The following PEPD variants were observed in gnomAD, a reference collection of about 807,000 sequenced individuals.
PEPD encodes the protein peptidase D.
A neutral mutation model predicts 60.7 loss-of-function variants in PEPD; 53 were observed. That is an observed-to-expected ratio of 0.87 (90% CI 0.70 to 1.10). PEPD has a LOEUF of 1.10. Ranked by LOEUF, PEPD falls within the 50% of genes least tolerant of loss-of-function variation. The probability of loss-of-function intolerance (pLI) is 0.00; values close to 1 mark genes in which losing one functional copy is unlikely to be tolerated. For missense variants in PEPD, 711 were observed against 711.9 expected (o/e 1.00, Z 0.01); for synonymous variants, 267 against 284.1 (o/e 0.94, Z 0.60).
intron 9 of PEPD, among the ~76,000 whole-genome samples, chr19:33,416,066 C>T (rs1475424045): frequency 2.0e-5 from 3 of 152,206 alleles, no homozygotes; most frequent in Admixed American, 1.3e-4. Context: ...CCTGTGGAAG[C>T]GTGTGAGCCC....
intron 12 of PEPD, among the ~76,000 whole-genome samples, chr19:33,398,126 G>C (rs1411003965): frequency 6.6e-6 from 1 of 152,198 alleles, no homozygotes; most frequent in African/African-American, 2.4e-5. Context: ...CCTATGCTGC[G>C]TCAATCCGCC....
intron 9 of PEPD, among the ~76,000 whole-genome samples, chr19:33,460,355 C>T (rs940403630): frequency 6.6e-6 from 1 of 152,116 alleles, no homozygotes; most frequent in Admixed American, 6.5e-5. Context: ...AGAGGGAGCT[C>T]GAGGCGGAAG....
chr19:33,490,427 C>G (rs1402276843), intron 5 of PEPD, among the ~76,000 whole-genome samples: 1 of 152,218 alleles, frequency 6.6e-6, no homozygotes, highest in Non-Finnish European at 1.5e-5. Context: ...TCCATCTTCC[C>G]TCTCCTGCAC....
intron 7 of PEPD, among the ~76,000 whole-genome samples, chr19:33,466,066 G>C (rs1397654162): frequency 1.3e-5 from 2 of 152,176 alleles, no homozygotes; most frequent in South Asian, 2.1e-4. Flanking sequence ...AGCAAGCCTA[G>C]AAAGCAATCA....
chr19:33,437,766 G>C (rs527958930), intron 9 of PEPD, among the ~76,000 whole-genome samples: 1 of 152,320 alleles, frequency 6.6e-6, no homozygotes, highest in East Asian at 1.9e-4. Context: ...GACTTGGGGG[G>C]GCGGTGGTGT....
In PEPD at chr19:33,429,512, A is replaced by G. The variant is rs190962470; in HGVS notation, c.672-15869T>C. ...AAAAGACGAAACCATGTGGATACAC[A>G]GATATCTATTAAACTATACACAGCA... On this transcript the variant is annotated intron_variant, in intron 9 of 14. Coordinates refer to ENST00000244137, the MANE Select transcript of PEPD (RefSeq NM_000285.4). Among the ~76,000 whole-genome samples the G allele has an allele frequency of 9.4e-4, 144 of 152,396 alleles. 1 individual carries two copies. The highest frequency in any genetic ancestry group is 3.4e-3 in the Middle Eastern group (1 of 294).
intron 6 of PEPD, among the ~76,000 whole-genome samples, chr19:33,484,885 A>AT (rs1355276345): frequency 6.6e-6 from 1 of 152,204 alleles, no homozygotes; most frequent in African/African-American, 2.4e-5. Context: ...TATAGTTCTC[A>AT]TTTTTGCCTC....
chr19:33,461,779 G>A (rs1969930244), intron 9 of PEPD, among the ~76,000 whole-genome samples: 1 of 152,204 alleles, frequency 6.6e-6, no homozygotes, highest in Admixed American at 6.5e-5. Flanking sequence ...CCGCACTGCA[G>A]AAGGAGACCA....
Position 33,511,854 on chromosome 19 carries a change from T to A in PEPD, c.202-699A>T, listed in dbSNP as rs527458432. 3.3e-5 allele frequency among the ~76,000 whole-genome samples: 5 copies of A among 152,278 alleles called. No homozygotes were observed. In the East Asian group the frequency reaches 9.7e-4, roughly 29 times the overall value. On this transcript the variant is annotated intron_variant, in intron 2 of 14. Coordinates refer to ENST00000244137, the MANE Select transcript of PEPD (RefSeq NM_000285.4). ...TGCAGGCTTGCAGCTGCGCGAACAA[T>A]GGAGTGGAGAGACGGGACCCTTCAG...
intron 1 of PEPD, among the ~76,000 whole-genome samples, chr19:33,520,380 C>G (rs1201242454): frequency 6.6e-6 from 1 of 152,234 alleles, no homozygotes; most frequent in Admixed American, 6.5e-5. Context: ...CTGTTCTCTA[C>G]CTGAAGGGAG....
At chr19:33,422,456 A>G (rs892265827) in intron 9 of PEPD, among the ~76,000 whole-genome samples, 2 of 144,754 alleles carry the variant, frequency 1.4e-5, no homozygotes, top group African/African-American at 5.4e-5. Context: ...CTATCTACCC[A>G]TCCATCTATC....
At chr19:33,481,884 G>A (rs1970318945) in intron 6 of PEPD, among the ~76,000 whole-genome samples, 2 of 152,170 alleles carry the variant, frequency 1.3e-5, no homozygotes, top group South Asian at 2.1e-4. Context: ...AGCCCAGCGT[G>A]ATGGTGCACA....
chr19:33,416,686 G>A (rs1289051394), intron 9 of PEPD, among the ~76,000 whole-genome samples: 1 of 152,236 alleles, frequency 6.6e-6, no homozygotes, highest in Non-Finnish European at 1.5e-5. Flanking sequence ...CCCGGCTGCT[G>A]TGTGGGCCCC....
intron 7 of PEPD, among the ~76,000 whole-genome samples, chr19:33,476,651 A>G (rs927174797): frequency 6.6e-6 from 1 of 151,852 alleles, no homozygotes; most frequent in African/African-American, 2.4e-5. Context: ...TGAGGCCAAA[A>G]TGATTTCTTA....
intron 4 of PEPD, among the ~76,000 whole-genome samples, chr19:33,494,938 T>C (rs1177887914): frequency 6.6e-6 from 1 of 151,418 alleles, no homozygotes; most frequent in Non-Finnish European, 1.5e-5. Context: ...ATCGAGACCA[T>C]CCTGGCTAAA....
intron 9 of PEPD, among the ~76,000 whole-genome samples, chr19:33,439,423 G>A (rs1000833118): frequency 2.0e-5 from 3 of 152,212 alleles, no homozygotes; most frequent in Non-Finnish European, 4.4e-5. Flanking sequence ...AGGCATAGGC[G>A]GGTCCGAGTA....
At chr19:33,449,791 G>A (rs551657707) in intron 9 of PEPD, among the ~76,000 whole-genome samples, 1 of 152,250 alleles carries the variant, frequency 6.6e-6, no homozygotes, top group African/African-American at 2.4e-5. Context: ...GATCCCAGCG[G>A]GTGCCACGTT....
chr19:33,500,298 C>T (rs1330382416), intron 4 of PEPD, among the ~76,000 whole-genome samples: 1 of 152,204 alleles, frequency 6.6e-6, no homozygotes, highest in East Asian at 1.9e-4. Context: ...ACCACAGGGG[C>T]TCCCAGCTGT....
chr19:33,512,611 G>C lies in PEPD; in HGVS notation c.183C>G (p.Thr61=). 3.1e-6 allele frequency: 5 copies of C among 1,613,782 alleles called. No homozygotes were observed. The highest frequency in any genetic ancestry group is 3.4e-6 in the Non-Finnish European group (4 of 1,179,942). The change falls in exon 2 of 15, where the codon ACC becomes ACG. Residue 61 remains threonine, a synonymous_variant. Coordinates refer to ENST00000244137, the MANE Select transcript of PEPD (RefSeq NM_000285.4). ...GEETQRYCTD[T]GVLFRQESFF... is the part of the protein sequence containing the mutation. ...GGCTCACCTGGCGGAAGAGGACCCC[G>C]GTGTCGGTGCAGTAGCGCTGAGTCT... is the stretch of plus-strand genomic sequence containing the variant.
Sources: allele counts gnomAD v4.1 joint callset (sites outside exome capture counted in the v4.1 genomes callset), GRCh38; gene constraint gnomAD v4.1.1; transcripts MANE v1.5; gene names NCBI Gene and HGNC (gene_info 2026-07-23, HGNC 2026-07-21).